The following HAT1 variants were observed in gnomAD, a reference collection of about 807,000 sequenced individuals.
HAT1 encodes histone acetyltransferase type B catalytic subunit.
A neutral mutation model predicts 56.6 loss-of-function variants in HAT1; 20 were observed. The ratio of observed to expected loss-of-function variants is 0.35; its 90% CI spans 0.25 to 0.51. The LOEUF (loss-of-function observed/expected upper bound fraction) is 0.51. HAT1 is among the 20% of genes least tolerant of loss of function. The pLI is 0.95. For synonymous variants in HAT1, 146 were observed against 165.5 expected, an observed-to-expected ratio of 0.88 and a Z score of 0.91; for missense variants, 408 against 504.3, an observed-to-expected ratio of 0.81 and a Z score of 1.83.
chr2:171,981,383 TTAAC>T (rs1042256419), intron 10 of HAT1, among the ~76,000 whole-genome samples: 36 of 152,296 alleles, frequency 2.4e-4, no homozygotes, highest in African/African-American at 8.2e-4. Flanking sequence ...AGAAAGTAAA[TTAAC>T]TAACTGTATC....
chr2:171,937,490 C>T (rs1367296941), intron 2 of HAT1, among the ~76,000 whole-genome samples: 1 of 152,030 alleles, frequency 6.6e-6, no homozygotes, highest in East Asian at 1.9e-4. Context: ...GAAAGGAACA[C>T]ACTGTGAAAG....
chr2:171,979,311 A>T lies in HAT1; in HGVS notation c.1040A>T (p.Gln347Leu), dbSNP rs751144329. The change falls in exon 10 of 11, where the codon CAA (glutamine) becomes CTA (leucine). Residue 347 changes from glutamine to leucine, a missense_variant. By Grantham distance (113) the Gln-to-Leu change is moderately radical. Coordinates refer to ENST00000264108, the MANE Select transcript of HAT1 (RefSeq NM_003642.4). ...GTAACTGACATGAGTGATGCCGAAC[A>T]ATACAGAAGCTACAGACTGGATATT... ...LLVTDMSDAE[Q>L]YRSYRLDIKR... is the part of the protein sequence containing the mutation. The T allele has an allele frequency of 6.2e-7, 1 of 1,608,152 alleles. No individual in the cohort carries two copies. Among genetic ancestry groups the T allele is most frequent in the South Asian group, 1.1e-5 (1 of 90,744 alleles).
intron 2 of HAT1, among the ~76,000 whole-genome samples, chr2:171,934,697 G>A (rs1032927180): frequency 6.6e-6 from 1 of 151,342 alleles, no homozygotes; most frequent in East Asian, 1.9e-4. Context: ...GGTCAGCCAC[G>A]TCCAGATGAA....
At chr2:171,967,949 A>G (rs1687723466) in intron 8 of HAT1, among the ~76,000 whole-genome samples, 1 of 146,246 alleles carries the variant, frequency 6.8e-6, no homozygotes, top group African/African-American at 2.5e-5. Context: ...TAAATAGGCT[A>G]GTAAGCAGAT....
intron 2 of HAT1, among the ~76,000 whole-genome samples, chr2:171,944,802 G>T (rs926528753): frequency 2.6e-5 from 4 of 152,184 alleles, no homozygotes; most frequent in Non-Finnish European, 5.9e-5. Flanking sequence ...TAATATGCTG[G>T]TGATACTTTG....
chr2:171,956,719 G>C (rs4324292), intron 4 of HAT1, among the ~76,000 whole-genome samples: 34,544 of 152,048 alleles, frequency 0.23, 4,906 homozygotes, highest in African/African-American at 0.38. Context: ...GGTTTTCATG[G>C]AAAGTATTGG....
chr2:171,941,707 G>A (rs1473426282), intron 2 of HAT1, among the ~76,000 whole-genome samples: 2 of 152,166 alleles, frequency 1.3e-5, no homozygotes, highest in African/African-American at 4.8e-5. Flanking sequence ...AGTGCAAGCA[G>A]TGGGGGACAA....
At chr2:171,966,190 G>A (rs1687679208) in intron 6 of HAT1, 2 of 613,058 alleles carry the variant, frequency 3.3e-6, no homozygotes, top group South Asian at 3.8e-5. Context: ...CTTTATAATA[G>A]GCAAGTGCAC....
chr2:171,975,190 T>C (rs532596990), intron 8 of HAT1, among the ~76,000 whole-genome samples: 3 of 151,808 alleles, frequency 2.0e-5, no homozygotes, highest in East Asian at 3.9e-4. Flanking sequence ...CTGCAACCTC[T>C]GCCTCCCAGG....
At chr2:171,941,989 C>G (rs1360663516) in intron 2 of HAT1, among the ~76,000 whole-genome samples, 1 of 152,206 alleles carries the variant, frequency 6.6e-6, no homozygotes, top group Non-Finnish European at 1.5e-5. Flanking sequence ...ACTGCAACCT[C>G]TGCCTCCTGG....
chr2:171,946,983 A>T (rs1237549080), intron 3 of HAT1, among the ~76,000 whole-genome samples, 200 bp downstream of exon 3: 4 of 152,110 alleles, frequency 2.6e-5, no homozygotes, highest in Non-Finnish European at 5.9e-5. Context: ...TAAATGCATT[A>T]TTTAATTCTC....
chr2:171,945,536 C>T (rs936109193), intron 2 of HAT1, among the ~76,000 whole-genome samples: 3 of 149,970 alleles, frequency 2.0e-5, no homozygotes, highest in African/African-American at 7.4e-5. Flanking sequence ...CTTTGTCGCC[C>T]AGGCTGGAGT....
intron 2 of HAT1, among the ~76,000 whole-genome samples, chr2:171,927,847 G>C (rs1165901277): frequency 6.6e-6 from 1 of 152,070 alleles, no homozygotes; most frequent in Non-Finnish European, 1.5e-5. Flanking sequence ...GTCTCCCAAA[G>C]TGCTGGAATT....
At chr2:171,971,042 TA>T (rs974198962) in intron 8 of HAT1, among the ~76,000 whole-genome samples, 2 of 151,468 alleles carry the variant, frequency 1.3e-5, no homozygotes, top group Admixed American at 6.6e-5. Context: ...CTACTAAAAA[TA>T]AAAAAATTAG....
intron 8 of HAT1, among the ~76,000 whole-genome samples, chr2:171,972,740 T>TA (rs1228666092): frequency 3.3e-5 from 5 of 152,236 alleles, no homozygotes; most frequent in Admixed American, 2.0e-4. Flanking sequence ...AGTCCATGCT[T>TA]ACTTCTTCAG....
At chr2:171,930,445 A>T (rs546978579) in intron 2 of HAT1, among the ~76,000 whole-genome samples, 1 of 152,182 alleles carries the variant, frequency 6.6e-6, no homozygotes, top group South Asian at 2.1e-4. Flanking sequence ...GCTATTACAG[A>T]TGTGAGCCAC....
rs1212146943 is a variant in HAT1 at position 171,966,406 on chromosome 2, C to T, written c.612-3C>T. ...CCTGCTTGGCTTTCTGTTTTATCTG[C>T]AGATTTGAGAAGTATAATAAGGATG... On this transcript the variant is annotated splice_region_variant and splice_polypyrimidine_tract_variant and intron_variant, in intron 6 of 10. Transcript: ENST00000264108. 24 of 1,479,066 alleles carry T rather than the reference C, an allele frequency of 1.6e-5. No individual in the cohort carries two copies. Among genetic ancestry groups the T allele is most frequent in the Non-Finnish European group, 2.3e-5 (24 of 1,056,776 alleles). 91.6% of individuals were successfully genotyped at this position (1,479,066 alleles called of 1,614,324 possible).
At chr2:171,951,483 A>C (rs1687306527) in intron 3 of HAT1, among the ~76,000 whole-genome samples, 1 of 151,764 alleles carries the variant, frequency 6.6e-6, no homozygotes, top group African/African-American at 2.4e-5. Flanking sequence ...GCAGTGGCGC[A>C]ATCTCAGCTC....
intron 2 of HAT1, among the ~76,000 whole-genome samples, chr2:171,931,880 G>A (rs1266861233): frequency 6.6e-6 from 1 of 152,226 alleles, no homozygotes; most frequent in East Asian, 1.9e-4. Flanking sequence ...AAGTGATAGA[G>A]TAGACATCCT....
Sources: gnomAD v4.1 joint callset for allele counts (sites outside exome capture counted in the v4.1 genomes callset) on GRCh38, gnomAD v4.1.1 for gene constraint, MANE v1.5 for transcripts, NCBI Gene and HGNC (gene_info 2026-07-23, HGNC 2026-07-21) for gene names.